The following NAALADL2 variants were observed in gnomAD, a reference collection of about 807,000 sequenced individuals.
NAALADL2 encodes the protein inactive N-acetylated-alpha-linked acidic dipeptidase-like protein 2.
In NAALADL2, 76 loss-of-function variants were observed where a neutral mutation model predicts 87.2. The ratio of observed to expected loss-of-function variants is 0.87; its 90% CI spans 0.72 to 1.05. The LOEUF is 1.05. NAALADL2 is among the 50% of genes least tolerant of loss of function. NAALADL2 has a pLI of 0.00. For missense variants in NAALADL2, 1,089 were observed against 945.8 expected (o/e 1.15, Z -1.99); for synonymous variants, 354 against 331.0 (o/e 1.07, Z -0.75).
rs372796691 is a variant in NAALADL2, at chr3:174,700,208, G to C, written c.-114-37433G>C. Among the ~76,000 whole-genome samples the C allele has an allele frequency of 4.8e-5, 7 of 144,394 alleles. No individual in the cohort carries two copies. In the East Asian group the frequency reaches 1.5e-3, roughly 31 times the overall value. The allele number at this position is 144,394 out of a possible 152,430, so 94.7% of individuals were successfully genotyped here. ...AGTGGCTGAAAGTGGAAGTTCCATA[G>C]TTTGTAGATTTTTTGCCACAGTTTT... is the stretch of plus-strand genomic sequence containing the variant. On this transcript the variant is annotated intron_variant, in intron 2 of 3. Coordinates refer to the NAALADL2 transcript ENST00000434257.
intron 2 of NAALADL2, among the ~76,000 whole-genome samples, chr3:175,150,045 T>G (rs893953549): frequency 1.2e-4 from 19 of 152,172 alleles, no homozygotes; most frequent in African/African-American, 4.6e-4. Context: ...ACCTCAGGTA[T>G]TAGAAAGAGG....
At chr3:174,614,558 C>T (rs972680676) in intron 2 of NAALADL2, among the ~76,000 whole-genome samples, 14 of 152,174 alleles carry the variant, frequency 9.2e-5, no homozygotes, top group African/African-American at 3.4e-4. Context: ...ACCACACTGC[C>T]ACTGTCAAGG....
chr3:174,892,867 A>G lies in NAALADL2; in HGVS notation c.43+33417A>G, dbSNP rs1266752572. On this transcript the variant is annotated intron_variant, in intron 1 of 13. Transcript: ENST00000454872. ...AACCTGAGAGGTGGAGGTTGCAGTGAGCCAAGATCACACCACTGCACTCCA... is the reference window on the plus strand; with the variant it reads ...AACCTGAGAGGTGGAGGTTGCAGTGGGCCAAGATCACACCACTGCACTCCA... 3.3e-5 allele frequency among the ~76,000 whole-genome samples: 5 copies of G among 149,514 alleles called. No individual in the cohort carries two copies. The East Asian group carries it at 1.0e-3, about 30-fold the overall frequency.
intron 2 of NAALADL2, among the ~76,000 whole-genome samples, chr3:174,578,914 G>T (rs530023617): frequency 5.9e-5 from 9 of 151,852 alleles, no homozygotes; most frequent in Admixed American, 3.3e-4. Flanking sequence ...TTTCACAAAG[G>T]CTTCATCATC....
intron 5 of NAALADL2, among the ~76,000 whole-genome samples, chr3:175,442,234 C>T (rs1208389915): frequency 6.6e-6 from 1 of 152,058 alleles, no homozygotes; most frequent in Non-Finnish European, 1.5e-5. Flanking sequence ...TGTGAGCCAC[C>T]ACGCCTGGCC....
intron 5 of NAALADL2, among the ~76,000 whole-genome samples, chr3:175,327,879 G>C (rs1760932277): frequency 6.6e-6 from 1 of 152,136 alleles, no homozygotes; most frequent in Non-Finnish European, 1.5e-5. Context: ...TCAAAGAATA[G>C]ATATTTATAA....
intron 2 of NAALADL2, among the ~76,000 whole-genome samples, chr3:174,558,214 A>G (rs544236169): frequency 1.3e-5 from 2 of 152,220 alleles, no homozygotes; most frequent in Admixed American, 1.3e-4. Flanking sequence ...AGGGATAGCA[A>G]TTAGGCCTGC....
intron 1 of NAALADL2, among the ~76,000 whole-genome samples, chr3:175,090,176 G>T (rs1463128513): frequency 6.6e-6 from 1 of 152,030 alleles, no homozygotes; most frequent in Non-Finnish European, 1.5e-5. Flanking sequence ...GGAGCCCATG[G>T]CAGGAACAGG....
At chr3:175,132,132 G>A in intron 2 of NAALADL2, among the ~76,000 whole-genome samples, 3 of 132,014 alleles carry the variant, frequency 2.3e-5, no homozygotes, top group East Asian at 2.5e-4. Context: ...GGCCGGGCGG[G>A]GGGCTGACCC....
At chr3:175,039,591 A>G (rs1367071179) in intron 1 of NAALADL2, among the ~76,000 whole-genome samples, 3 of 152,046 alleles carry the variant, frequency 2.0e-5, no homozygotes, top group Non-Finnish European at 1.5e-5. Context: ...AATCATAAAA[A>G]GTAGATAATA....
intron 6 of NAALADL2, among the ~76,000 whole-genome samples, chr3:175,457,346 G>A (rs1311294968): frequency 2.0e-5 from 3 of 151,972 alleles, no homozygotes; most frequent in African/African-American, 7.2e-5. Context: ...TAAGGTGGTG[G>A]CCGCCAGGTC....
chr3:175,320,755 C>T (rs1345037225), intron 4 of NAALADL2, among the ~76,000 whole-genome samples: 2 of 152,006 alleles, frequency 1.3e-5, no homozygotes, highest in Non-Finnish European at 2.9e-5. Context: ...ATAAATTCCT[C>T]GACACATGCA....
chr3:175,620,167 T>C (rs554540157), intron 10 of NAALADL2, among the ~76,000 whole-genome samples: 8 of 152,276 alleles, frequency 5.3e-5, no homozygotes, highest in African/African-American at 1.9e-4. Context: ...TAGGATTCCT[T>C]TGGTGCCACT....
intron 1 of NAALADL2, among the ~76,000 whole-genome samples, chr3:174,481,838 G>A (rs1287470385): frequency 6.6e-6 from 1 of 151,994 alleles, no homozygotes; most frequent in Non-Finnish European, 1.5e-5. Flanking sequence ...ATCTACCAAG[G>A]AAGATCATTA....
At chr3:175,158,160 A>C (rs2861998) in intron 2 of NAALADL2, among the ~76,000 whole-genome samples, 57,475 of 151,904 alleles carry the variant, frequency 0.38, 12,010 homozygotes, top group East Asian at 0.58. Flanking sequence ...TTTTGTGCCT[A>C]TTATGTGTAA....
intron 3 of NAALADL2, among the ~76,000 whole-genome samples, chr3:174,830,474 C>T (rs1251362477): frequency 2.6e-5 from 4 of 151,920 alleles, no homozygotes; most frequent in South Asian, 4.2e-4. Flanking sequence ...TGATCTATAT[C>T]TCTGTTTTGG....
intron 12 of NAALADL2, among the ~76,000 whole-genome samples, chr3:175,739,354 T>C (rs919430782): frequency 1.6e-4 from 25 of 152,322 alleles, no homozygotes; most frequent in African/African-American, 6.0e-4. Flanking sequence ...GTTAGCACAT[T>C]GGCACATTTC....
intron 1 of NAALADL2, among the ~76,000 whole-genome samples, chr3:174,972,266 C>A (rs1743787560): frequency 6.6e-6 from 1 of 152,114 alleles, no homozygotes; most frequent in Non-Finnish European, 1.5e-5. Context: ...GTTTGTTAAA[C>A]CTACCATTAT....
At chr3:175,249,455 A>T (rs746320737) in intron 3 of NAALADL2, among the ~76,000 whole-genome samples, 1 of 152,106 alleles carries the variant, frequency 6.6e-6, no homozygotes, top group African/African-American at 2.4e-5. Flanking sequence ...CCTGTTTTTT[A>T]AAAAAGGTAT....
Sources: allele counts gnomAD v4.1 joint callset (sites outside exome capture counted in the v4.1 genomes callset), GRCh38; gene constraint gnomAD v4.1.1; transcripts MANE v1.5; gene names NCBI Gene and HGNC (gene_info 2026-07-23, HGNC 2026-07-21).